Variants in ZNF536 observed in about 807,000 individuals in gnomAD.
The protein encoded by ZNF536 is zinc finger protein 536.
A neutral mutation model predicts 84.5 loss-of-function variants in ZNF536; 13 were observed. The ratio of observed to expected loss-of-function variants is 0.15; its 90% CI spans 0.10 to 0.24. ZNF536 has a LOEUF of 0.24. Ranked by LOEUF, ZNF536 falls within the 10% of genes least tolerant of loss-of-function variation. ZNF536 has a pLI of 1.00. For synonymous variants in ZNF536, 811 were observed against 742.5 expected, an observed-to-expected ratio of 1.09 and a Z score of -1.50; for missense variants, 1,536 against 1,747.5, an observed-to-expected ratio of 0.88 and a Z score of 2.16.
At chr19:30,473,701 C>A (rs2053732982) in intron 2 of ZNF536, among the ~76,000 whole-genome samples, 1 of 152,214 alleles carries the variant, frequency 6.6e-6, no homozygotes, top group Non-Finnish European at 1.5e-5. Context: ...ACTAAATGTC[C>A]TTTGAGTCAC....
At chr19:30,423,446 G>A (rs2051069055) in intron 1 of ZNF536, among the ~76,000 whole-genome samples, 1 of 152,220 alleles carries the variant, frequency 6.6e-6, no homozygotes, top group African/African-American at 2.4e-5. Flanking sequence ...CTGTCACAGA[G>A]TTTATGGCTA....
intron 1 of ZNF536, among the ~76,000 whole-genome samples, chr19:30,373,020 T>C (rs1027987535): frequency 2.6e-5 from 4 of 152,268 alleles, no homozygotes; most frequent in Non-Finnish European, 5.9e-5. Flanking sequence ...TCCAACCTAA[T>C]TGAAAAATTA....
Position 30,681,839 on chromosome 19 carries a change from G to A in ZNF536, c.170-28918G>A, listed in dbSNP as rs141665901. Among the ~76,000 whole-genome samples, 7 of 152,242 alleles carry A rather than the reference G, an allele frequency of 4.6e-5. No homozygotes were observed. In the East Asian group the frequency reaches 1.2e-3, roughly 25 times the overall value. Reference sequence around the variant, plus strand: ...CCTTCCCCAATGACATCTCCGCCACGCTGGAGAGAACAGCCCCTCTGGAAT... The same window carrying A: ...CCTTCCCCAATGACATCTCCGCCACACTGGAGAGAACAGCCCCTCTGGAAT... On this transcript the variant is annotated intron_variant, in intron 1 of 1. Coordinates refer to the ZNF536 transcript ENST00000592773.
At chr19:30,674,486 G>T (rs1015692417) in intron 1 of ZNF536, among the ~76,000 whole-genome samples, 2 of 152,220 alleles carry the variant, frequency 1.3e-5, no homozygotes, top group African/African-American at 4.8e-5. Context: ...GGGCATCCAG[G>T]TTTACTTGAC....
intron 2 of ZNF536, among the ~76,000 whole-genome samples, chr19:30,326,626 C>T (rs923484521): frequency 6.6e-6 from 1 of 151,896 alleles, no homozygotes; most frequent in South Asian, 2.1e-4. Flanking sequence ...TGTGAAGCGC[C>T]CAGCACAGTG....
At chr19:30,600,831 G>T (rs2047657655) in intron 1 of ZNF536, among the ~76,000 whole-genome samples, 1 of 152,204 alleles carries the variant, frequency 6.6e-6, no homozygotes, top group Non-Finnish European at 1.5e-5. Context: ...AGGCATCAGG[G>T]GCTTTGGCTT....
rs544774622 is a variant in ZNF536 at position 30,249,184 on chromosome 19, A to G, written c.-190+20511A>G. Among the ~76,000 whole-genome samples the G allele has an allele frequency of 3.0e-4, 46 of 152,308 alleles. No homozygotes were observed. The South Asian group carries it at 9.5e-3, about 32-fold the overall frequency. On this transcript the variant is annotated intron_variant, in intron 1 of 5. Coordinates refer to the ZNF536 transcript ENST00000585628. ...AGAAGGTGATCTGTATGGATACAATACACAATCTCTCTTAAATTATTCAGC... is the reference window on the plus strand; with the variant it reads ...AGAAGGTGATCTGTATGGATACAATGCACAATCTCTCTTAAATTATTCAGC...
At chr19:30,410,575 C>T (rs1344425262) in intron 1 of ZNF536, among the ~76,000 whole-genome samples, 2 of 147,600 alleles carry the variant, frequency 1.4e-5, no homozygotes, top group Admixed American at 6.8e-5. Context: ...CCCGGGTTCA[C>T]GCCATTCTCC....
At chr19:30,227,218 G>A (rs1042244360), upstream of ZNF536, among the ~76,000 whole-genome samples, 1 of 152,188 alleles carries the variant, frequency 6.6e-6, no homozygotes, top group East Asian at 1.9e-4. Context: ...TCACTCTGCG[G>A]AGTGAACTCC....
At chr19:30,578,015 A>G (rs2046798264) in intron 1 of ZNF536, among the ~76,000 whole-genome samples, 1 of 152,148 alleles carries the variant, frequency 6.6e-6, no homozygotes, top group African/African-American at 2.4e-5. Context: ...AGGTACAGGG[A>G]TGGGAGAGCC....
intron 1 of ZNF536, among the ~76,000 whole-genome samples, chr19:30,696,190 T>C (rs2051648956): frequency 6.6e-6 from 1 of 152,192 alleles, no homozygotes; most frequent in Non-Finnish European, 1.5e-5. Context: ...AAAATTACCT[T>C]TGAAGCCGGT....
intron 1 of ZNF536, among the ~76,000 whole-genome samples, chr19:30,586,627 G>A (rs1183884462): frequency 1.3e-5 from 2 of 152,130 alleles, no homozygotes; most frequent in Non-Finnish European, 1.5e-5. Flanking sequence ...ACTTCTAGAG[G>A]ATGGTCATAA....
intron 2 of ZNF536, among the ~76,000 whole-genome samples, chr19:30,462,301 TGA>T (rs1555773782): frequency 0.011 from 1,220 of 110,566 alleles, 15 homozygotes; most frequent in African/African-American, 0.049. Flanking sequence ...TTTGTGTGTG[TGA>T]GTGTGTGTGT....
intron 1 of ZNF536, among the ~76,000 whole-genome samples, chr19:30,252,309 A>G (rs2024657380): frequency 6.6e-6 from 1 of 152,226 alleles, no homozygotes; most frequent in African/African-American, 2.4e-5. Context: ...AATATCTTCT[A>G]TTCTCCATAG....
At chr19:30,685,249 G>A (rs548597788) in intron 1 of ZNF536, among the ~76,000 whole-genome samples, 1 of 152,200 alleles carries the variant, frequency 6.6e-6, no homozygotes, top group Non-Finnish European at 1.5e-5. Flanking sequence ...TGTCTCCCAT[G>A]CTTCATCTTC....
intron 1 of ZNF536, among the ~76,000 whole-genome samples, chr19:30,710,343 A>G (rs2052413330): frequency 6.6e-6 from 1 of 152,182 alleles, no homozygotes; most frequent in African/African-American, 2.4e-5. Context: ...GGAGCTCGAG[A>G]CCAGCCTAGG....
Position 30,405,245 on chromosome 19 carries a change from G to C in ZNF536, c.-3+32689G>C, listed in dbSNP as rs549461856. On this transcript the variant is annotated intron_variant, in intron 1 of 4. Coordinates refer to ENST00000355537, the MANE Select transcript of ZNF536 (RefSeq NM_014717.3). ...AAGACCCCAAGTCAGAAAGATGGGG[G>C]AAGATTAGAGTCCTGCCTTGGGGCA... Among the ~76,000 whole-genome samples, 6 of 152,322 alleles carry C rather than the reference G, an allele frequency of 3.9e-5. No homozygotes were observed. The East Asian group carries it at 1.2e-3, about 29-fold the overall frequency.
intron 1 of ZNF536, among the ~76,000 whole-genome samples, chr19:30,408,148 G>A (rs1465261433): frequency 6.6e-6 from 1 of 152,170 alleles, no homozygotes; most frequent in Non-Finnish European, 1.5e-5. Flanking sequence ...CTGTGCACGA[G>A]TACATGTGTG....
intron 2 of ZNF536, among the ~76,000 whole-genome samples, chr19:30,314,550 G>A (rs768515438): frequency 5.3e-5 from 8 of 152,114 alleles, no homozygotes; most frequent in East Asian, 1.9e-4. Flanking sequence ...CCTTGTAGGC[G>A]CAGCACCAGC....
Sources: gnomAD v4.1 joint callset for allele counts (sites outside exome capture counted in the v4.1 genomes callset) on GRCh38, gnomAD v4.1.1 for gene constraint, MANE v1.5 for transcripts, NCBI Gene and HGNC (gene_info 2026-07-23, HGNC 2026-07-21) for gene names.